Variants in GALNTL6 observed in about 807,000 individuals in gnomAD.
The protein encoded by GALNTL6 is polypeptide N-acetylgalactosaminyltransferase-like 6.
A neutral mutation model predicts 73.7 loss-of-function variants in GALNTL6; 46 were observed. The observed-to-expected ratio is 0.62, with a 90% confidence interval of 0.49 to 0.80. The LOEUF is 0.80. GALNTL6 is among the 30% of genes least tolerant of loss of function. GALNTL6 has a pLI of 0.00. For missense variants in GALNTL6, 604 were observed against 755.0 expected (o/e 0.80, Z 2.34); for synonymous variants, 259 against 263.7 (o/e 0.98, Z 0.17).
chr4:172,762,663 A>G lies in GALNTL6; in HGVS notation c.554-46698A>G, dbSNP rs1251581657. Among the ~76,000 whole-genome samples, 15 of 152,118 alleles carry G rather than the reference A, an allele frequency of 9.9e-5. No individual in the cohort carries two copies. In the East Asian group the frequency reaches 2.7e-3, roughly 27 times the overall value. On this transcript the variant is annotated intron_variant, in intron 5 of 12. Coordinates refer to ENST00000506823, the MANE Select transcript of GALNTL6 (RefSeq NM_001034845.3). ...ACATTAATCACAGTTATGCAGCTAT[A>G]TAGAAGCCTTGCACATTATAACATG...
chr4:171,904,512 G>A (rs561776571), intron 2 of GALNTL6, among the ~76,000 whole-genome samples: 9 of 152,284 alleles, frequency 5.9e-5, no homozygotes, highest in South Asian at 4.1e-4. Flanking sequence ...CCAAATCTGC[G>A]TCTGATTGGT....
chr4:172,211,842 T>A (rs1736332881), intron 2 of GALNTL6, among the ~76,000 whole-genome samples: 2 of 152,204 alleles, frequency 1.3e-5, no homozygotes, highest in Non-Finnish European at 2.9e-5. Flanking sequence ...CTTAAGCCTC[T>A]TTCATAAGGG....
intron 11 of GALNTL6, among the ~76,000 whole-genome samples, chr4:173,017,506 A>G (rs1752829515): frequency 6.6e-6 from 1 of 152,204 alleles, no homozygotes; most frequent in Non-Finnish European, 1.5e-5. Flanking sequence ...CAATGAAAAG[A>G]CTCAATGCCT....
chr4:172,488,987 C>A (rs915384929), intron 5 of GALNTL6, among the ~76,000 whole-genome samples: 1 of 152,108 alleles, frequency 6.6e-6, no homozygotes, highest in African/African-American at 2.4e-5. Flanking sequence ...CTACTCAAGA[C>A]AACAGAATTA....
intron 4 of GALNTL6, among the ~76,000 whole-genome samples, chr4:172,335,212 T>C (rs1275058904): frequency 6.6e-6 from 1 of 152,202 alleles, no homozygotes; most frequent in East Asian, 1.9e-4. Flanking sequence ...ATGACTTTTG[T>C]GTTTAATTCT....
intron 2 of GALNTL6, among the ~76,000 whole-genome samples, chr4:171,885,917 G>T (rs1439334926): frequency 6.6e-6 from 1 of 152,148 alleles, no homozygotes; most frequent in East Asian, 1.9e-4. Flanking sequence ...TCTTTGGAGT[G>T]CATATAACAT....
At chr4:172,130,677 C>A (rs992801277) in intron 2 of GALNTL6, among the ~76,000 whole-genome samples, 2 of 151,936 alleles carry the variant, frequency 1.3e-5, no homozygotes, top group African/African-American at 2.4e-5. Context: ...TTGTTAGAAA[C>A]TGTTAGGTTT....
At chr4:173,002,994 T>C (rs538537691) in intron 10 of GALNTL6, among the ~76,000 whole-genome samples, 4 of 152,272 alleles carry the variant, frequency 2.6e-5, no homozygotes, top group Middle Eastern at 3.4e-3. Flanking sequence ...TAGGGAGTTA[T>C]TGCTTAATGA....
chr4:172,965,827 G>C (rs1046518853), intron 10 of GALNTL6, among the ~76,000 whole-genome samples: 1 of 151,748 alleles, frequency 6.6e-6, no homozygotes, highest in Non-Finnish European at 1.5e-5. Flanking sequence ...ATAAACATAT[G>C]TATTTGTATT....
At chr4:172,302,221 T>G (rs1181242327) in intron 3 of GALNTL6, among the ~76,000 whole-genome samples, 1 of 152,112 alleles carries the variant, frequency 6.6e-6, no homozygotes, top group African/African-American at 2.4e-5. Flanking sequence ...GTCGGAAAAG[T>G]GCAGTATTAG....
chr4:171,831,192 A>G (rs1734959603), intron 2 of GALNTL6, among the ~76,000 whole-genome samples: 1 of 152,006 alleles, frequency 6.6e-6, no homozygotes, highest in Non-Finnish European at 1.5e-5. Context: ...ATCTACCTTG[A>G]GTTAGGTTCA....
intron 5 of GALNTL6, among the ~76,000 whole-genome samples, chr4:172,349,843 A>AT (rs200830495): frequency 3.9e-4 from 31 of 79,684 alleles, no homozygotes; most frequent in African/African-American, 5.0e-4. Flanking sequence ...ATATATATAT[A>AT]TATTTTTTTT....
At chr4:171,889,065 A>G (rs768308497) in intron 2 of GALNTL6, among the ~76,000 whole-genome samples, 2 of 152,072 alleles carry the variant, frequency 1.3e-5, no homozygotes, top group African/African-American at 4.8e-5. Flanking sequence ...GAAAATCACA[A>G]CTTGCTGGGG....
At chr4:172,902,971 T>C (rs1337387920) in intron 8 of GALNTL6, among the ~76,000 whole-genome samples, 2 of 152,190 alleles carry the variant, frequency 1.3e-5, no homozygotes, top group Non-Finnish European at 2.9e-5. Flanking sequence ...CAATTCCTCA[T>C]CGTCACTATT....
intron 5 of GALNTL6, chr4:172,667,948 A>G (rs1235482240): frequency 6.6e-6 from 1 of 152,230 alleles, no homozygotes; most frequent in East Asian, 1.9e-4. Context: ...GCATTAAATT[A>G]CAATGACTTC....
At chr4:172,736,695 C>T (rs544928946) in intron 5 of GALNTL6, among the ~76,000 whole-genome samples, 7 of 152,158 alleles carry the variant, frequency 4.6e-5, no homozygotes, top group African/African-American at 1.2e-4. Context: ...TCAGAGATTG[C>T]AGTAAAGACA....
At chr4:172,078,309 C>G (rs1399242413) in intron 2 of GALNTL6, among the ~76,000 whole-genome samples, 1 of 152,156 alleles carries the variant, frequency 6.6e-6, no homozygotes, top group African/African-American at 2.4e-5. Context: ...TTTGCTCACT[C>G]TCTCTCCTGT....
intron 5 of GALNTL6, among the ~76,000 whole-genome samples, chr4:172,529,004 T>TACAC (rs1401865956): frequency 2.2e-5 from 1 of 45,774 alleles, no homozygotes; most frequent in Admixed American, 3.4e-4. Flanking sequence ...TATATATATA[T>TACAC]ATACACACAC....
intron 5 of GALNTL6, among the ~76,000 whole-genome samples, chr4:172,391,503 G>A (rs745525753): frequency 2.0e-5 from 3 of 152,110 alleles, no homozygotes; most frequent in Non-Finnish European, 4.4e-5. Context: ...ACCGTGCCTG[G>A]CTCAGAAGCC....
Sources: gnomAD v4.1 joint callset for allele counts (sites outside exome capture counted in the v4.1 genomes callset) on GRCh38, gnomAD v4.1.1 for gene constraint, MANE v1.5 for transcripts, NCBI Gene and HGNC (gene_info 2026-07-23, HGNC 2026-07-21) for gene names.